Variants in MTUS2 observed in about 807,000 individuals in gnomAD.
MTUS2 encodes microtubule associated scaffold protein 2.
A neutral mutation model predicts 114.1 loss-of-function variants in MTUS2; 40 were observed. That is an observed-to-expected ratio of 0.35 (90% confidence interval 0.27 to 0.46). The LOEUF (loss-of-function observed/expected upper bound fraction) is 0.46, where lower values mean the gene tolerates loss of function less well. Among genes scored for constraint, MTUS2 ranks in the 20% least tolerant of loss-of-function variants. MTUS2 has a pLI of 1.00. For synonymous variants in MTUS2, 688 were observed against 672.0 expected (o/e 1.02, Z -0.37); for missense variants, 1,679 against 1,705.4 (o/e 0.98, Z 0.27).
rs967054579 is a variant in MTUS2 at position 29,034,122 on chromosome 13, T to G, written c.2443T>G (p.Ser815Ala). The G allele has an allele frequency of 3.7e-6, 6 of 1,613,786 alleles. No homozygotes were observed. Among genetic ancestry groups the G allele is most frequent in the Non-Finnish European group, 5.1e-6 (6 of 1,179,820 alleles). The change falls in exon 4 of 16, where the codon TCA becomes GCA. Residue 815 changes from serine (S) to alanine (A), a missense_variant. By Grantham distance (99) the Ser-to-Ala change is moderately conservative. This residue lies in a region of MTUS2 where 822 missense variants were observed against 899.7 expected (regional missense o/e 0.91). Transcript: ENST00000612955. ...CACCAGTCTCTACAGTTCCGATCCT[T>G]CAGGTAACCGATCCAACAGTTTCTG... is the stretch of plus-strand genomic sequence containing the variant. The part of the protein sequence containing the change: ...TATSLYSSDP[S>A]ADLKKASSSN...
At chr13:29,081,436 A>G (rs772312740) in intron 4 of MTUS2, among the ~76,000 whole-genome samples, 2 of 152,054 alleles carry the variant, frequency 1.3e-5, no homozygotes, top group East Asian at 1.9e-4. Flanking sequence ...ATGGTGCTCT[A>G]TGAGGCTTAT....
At chr13:29,034,326 A>G (rs191431461) in intron 4 of MTUS2, among the ~76,000 whole-genome samples, 25 of 152,282 alleles carry the variant, frequency 1.6e-4, no homozygotes, top group Admixed American at 1.2e-3. Flanking sequence ...CTTTAAACTG[A>G]TGGCCCTTGT....
intron 2 of MTUS2, among the ~76,000 whole-genome samples, chr13:28,977,572 G>C (rs1399322310): frequency 6.6e-6 from 1 of 152,132 alleles, no homozygotes; most frequent in African/African-American, 2.4e-5. Context: ...CGACAAAATA[G>C]AGTTTTGTAA....
intron 8 of MTUS2, among the ~76,000 whole-genome samples, chr13:29,366,176 A>G (rs1362248377): frequency 6.6e-6 from 1 of 152,228 alleles, no homozygotes; most frequent in East Asian, 1.9e-4. Context: ...AATTTACAAA[A>G]GAAAGAGGTT....
At chr13:29,148,178 T>C (rs1184706482) in intron 5 of MTUS2, among the ~76,000 whole-genome samples, 2 of 152,130 alleles carry the variant, frequency 1.3e-5, no homozygotes, top group African/African-American at 2.4e-5. Flanking sequence ...GATTTTTTTT[T>C]CTGATGATTA....
At chr13:29,369,478 C>T (rs576902453) in intron 8 of MTUS2, among the ~76,000 whole-genome samples, 2 of 152,314 alleles carry the variant, frequency 1.3e-5, no homozygotes, top group Admixed American at 6.5e-5. Flanking sequence ...CTGATTGAAA[C>T]GAGGTTTGAA....
At chr13:29,218,222 C>A (rs1463706507) in intron 5 of MTUS2, among the ~76,000 whole-genome samples, 2 of 152,152 alleles carry the variant, frequency 1.3e-5, no homozygotes, top group South Asian at 2.1e-4. Context: ...TTTCATGAAA[C>A]CACTTTCTGT....
At chr13:29,194,503 A>G (rs1894590362) in intron 5 of MTUS2, among the ~76,000 whole-genome samples, 1 of 152,246 alleles carries the variant, frequency 6.6e-6, no homozygotes, top group Non-Finnish European at 1.5e-5. Flanking sequence ...AATGCTCACC[A>G]TCACTGGCCA....
At chr13:29,150,964 T>C (rs1892641610) in intron 5 of MTUS2, among the ~76,000 whole-genome samples, 1 of 152,200 alleles carries the variant, frequency 6.6e-6, no homozygotes, top group South Asian at 2.1e-4. Flanking sequence ...TAGTTTGAAG[T>C]CAGGTAGTGT....
chr13:29,006,966 C>G (rs1326318554), intron 2 of MTUS2, among the ~76,000 whole-genome samples: 1 of 152,186 alleles, frequency 6.6e-6, no homozygotes, highest in Non-Finnish European at 1.5e-5. Context: ...TCTGAACACA[C>G]AAGAAATATG....
At chr13:28,870,824 C>T (rs1486681401) in intron 2 of MTUS2, among the ~76,000 whole-genome samples, 1 of 152,156 alleles carries the variant, frequency 6.6e-6, no homozygotes, top group Non-Finnish European at 1.5e-5. Flanking sequence ...TCCTCCTCCC[C>T]ATGAATGACA....
intron 2 of MTUS2, among the ~76,000 whole-genome samples, chr13:28,937,473 C>T (rs1376590022): frequency 6.6e-6 from 1 of 152,130 alleles, no homozygotes; most frequent in South Asian, 2.1e-4. Flanking sequence ...TTTGTTCTTT[C>T]GCTTTTCACA....
chr13:29,051,092 T>G (rs1256427237), intron 4 of MTUS2, among the ~76,000 whole-genome samples: 1 of 152,184 alleles, frequency 6.6e-6, no homozygotes, highest in Admixed American at 6.5e-5. Context: ...CTCTGTAGAA[T>G]AGGAGAGGTA....
intron 8 of MTUS2, among the ~76,000 whole-genome samples, chr13:29,433,791 G>T (rs1877193690): frequency 6.6e-6 from 1 of 152,176 alleles, no homozygotes; most frequent in South Asian, 2.1e-4. Flanking sequence ...AACTCATAGA[G>T]CCCTACGTAA....
chr13:29,223,372 C>G (rs1342494465), intron 5 of MTUS2, among the ~76,000 whole-genome samples: 1 of 151,996 alleles, frequency 6.6e-6, no homozygotes, highest in Non-Finnish European at 1.5e-5. Context: ...GAGAACTGAA[C>G]AGATGATGGA....
intron 5 of MTUS2, among the ~76,000 whole-genome samples, chr13:29,138,284 A>G (rs901189345): frequency 8.5e-5 from 13 of 152,094 alleles, no homozygotes; most frequent in African/African-American, 1.4e-4. Flanking sequence ...TAAGCCTTCA[A>G]TAGACTCCAG....
At chr13:28,940,654 A>C (rs936669391) in intron 2 of MTUS2, among the ~76,000 whole-genome samples, 1 of 152,092 alleles carries the variant, frequency 6.6e-6, no homozygotes, top group Admixed American at 6.6e-5. Flanking sequence ...ATTAAAAAAA[A>C]CAGAAATTGA....
chr13:29,066,367 A>G (rs1888666917), intron 4 of MTUS2, among the ~76,000 whole-genome samples: 1 of 152,246 alleles, frequency 6.6e-6, no homozygotes, highest in South Asian at 2.1e-4. Flanking sequence ...GATCTCTTGA[A>G]TAAATGTTAA....
chr13:29,201,049 A>G (rs1458883441), intron 5 of MTUS2, among the ~76,000 whole-genome samples: 2 of 152,122 alleles, frequency 1.3e-5, no homozygotes, highest in African/African-American at 4.8e-5. Flanking sequence ...GCTGAGTTCA[A>G]GTCCTGAATA....
Sources: gnomAD v4.1 joint callset for allele counts (sites outside exome capture counted in the v4.1 genomes callset) on GRCh38, gnomAD v4.1.1 for gene constraint, gnomAD v4.1.1 regional missense constraint, MANE v1.5 for transcripts, NCBI Gene and HGNC (gene_info 2026-07-23, HGNC 2026-07-21) for gene names.